AMD1: variants seen among roughly 807,000 people sequenced by gnomAD.
AMD1 encodes the protein S-adenosylmethionine decarboxylase proenzyme.
Under a neutral mutation model 40.2 loss-of-function variants are expected in AMD1, and 11 were observed. The observed-to-expected ratio is 0.27, with a 90% CI of 0.17 to 0.45. The LOEUF (loss-of-function observed/expected upper bound fraction) is 0.45. Among genes scored for constraint, AMD1 ranks in the 20% least tolerant of loss-of-function variants. The pLI is 1.00. For missense variants in AMD1, 257 were observed against 410.2 expected, an observed-to-expected ratio of 0.63 and a Z score of 3.23; for synonymous variants, 121 against 130.8, an observed-to-expected ratio of 0.93 and a Z score of 0.51.
the AMD1 span, among the ~76,000 whole-genome samples, chr6:110,830,000 G>A: frequency 1.3e-5 from 2 of 151,670 alleles, no homozygotes; most frequent in South Asian, 2.1e-4. Context: ...AAGGATCTTT[G>A]TTTTTGTTTG....
At chr6:110,887,848 G>C (rs903566979) in intron 2 of AMD1, among the ~76,000 whole-genome samples, 2 of 152,046 alleles carry the variant, frequency 1.3e-5, no homozygotes, top group African/African-American at 4.8e-5. Flanking sequence ...ATCATGCCCG[G>C]CTAATTTTTG....
intron 4 of AMD1, 105 bp from the exon 5 acceptor site, chr6:110,892,056 A>G (rs1216979223): frequency 2.3e-6 from 3 of 1,309,600 alleles, no homozygotes; most frequent in Non-Finnish European, 3.3e-6. Flanking sequence ...TGACATTTCT[A>G]ATAAGTGGCA....
the AMD1 span, among the ~76,000 whole-genome samples, chr6:110,869,697 C>CG: frequency 6.6e-6 from 1 of 151,452 alleles, no homozygotes; most frequent in African/African-American, 2.4e-5. Flanking sequence ...TTAGCAGAGA[C>CG]GGGGGTTCTC....
the AMD1 span, among the ~76,000 whole-genome samples, chr6:110,855,285 C>G: frequency 6.6e-6 from 1 of 151,864 alleles, no homozygotes; most frequent in South Asian, 2.1e-4. Flanking sequence ...TAACTATATA[C>G]TATATATTAA....
chr6:110,825,237 A>G, the AMD1 span, among the ~76,000 whole-genome samples: 7 of 152,370 alleles, frequency 4.6e-5, no homozygotes, highest in African/African-American at 1.7e-4. Flanking sequence ...AACAGAAATT[A>G]TATGAATGTG....
chr6:110,823,106 ACT>A, the AMD1 span, among the ~76,000 whole-genome samples: 14 of 152,000 alleles, frequency 9.2e-5, no homozygotes, highest in Non-Finnish European at 1.6e-4. Flanking sequence ...CAAAAGCAAA[ACT>A]CTGTCTCAAA....
chr6:110,887,283 G>T (rs767429819), intron 1 of AMD1, among the ~76,000 whole-genome samples: 18 of 151,952 alleles, frequency 1.2e-4, no homozygotes, highest in Non-Finnish European at 2.1e-4. Context: ...TAAGTAATTT[G>T]TAAATACATA....
the AMD1 span, among the ~76,000 whole-genome samples, chr6:110,839,861 G>A: frequency 1.3e-5 from 2 of 151,982 alleles, no homozygotes; most frequent in African/African-American, 4.8e-5. Context: ...TATCAGGTTC[G>A]GAAAAGAATG....
At chr6:110,869,786 G>A (rs1396844562), upstream of AMD1, among the ~76,000 whole-genome samples, 2 of 152,202 alleles carry the variant, frequency 1.3e-5, no homozygotes, top group Non-Finnish European at 2.9e-5. Context: ...TGGGATTACA[G>A]GCGTGAGCCA....
the AMD1 span, chr6:110,815,692 G>C: frequency 2.6e-5 from 4 of 152,630 alleles, no homozygotes; most frequent in African/African-American, 9.6e-5. Context: ...AAGTTCCAGT[G>C]TGCTTTCTGC....
chr6:110,815,237 C>CCTCTCG, the AMD1 span: 1 of 1,286,326 alleles, frequency 7.8e-7, no homozygotes, highest in Non-Finnish European at 9.9e-7. Context: ...CCAACAGCCG[C>CCTCTCG]CTCTCGCGCG....
chr6:110,821,865 T>A, the AMD1 span, among the ~76,000 whole-genome samples: 1 of 152,100 alleles, frequency 6.6e-6, no homozygotes, highest in Admixed American at 6.6e-5. Context: ...CATCAAAAAG[T>A]CTGAAAGGTC....
the AMD1 span, among the ~76,000 whole-genome samples, chr6:110,837,902 A>G: frequency 6.7e-6 from 1 of 149,594 alleles, no homozygotes; most frequent in African/African-American, 2.5e-5. Context: ...GTCTCTACTA[A>G]AACTACAAAG....
chr6:110,814,890 C>A, the AMD1 span: 3 of 1,372,388 alleles, frequency 2.2e-6, no homozygotes, highest in Admixed American at 3.9e-5. Context: ...CGCAACCCCG[C>A]GACCCCCTCC....
In AMD1 at chr6:110,875,064, T is replaced by C; in HGVS notation, c.-42T>C. 2.0e-6 allele frequency: 3 copies of C among 1,501,110 alleles called. No homozygotes were observed. Among genetic ancestry groups the C allele is most frequent in the Non-Finnish European group, 2.7e-6 (3 of 1,092,242 alleles). 93.0% of individuals were successfully genotyped at this position (1,501,110 alleles called of 1,614,324 possible). A position where few individuals can be genotyped will look rare whatever the true frequency, so the allele number is the denominator to read the frequency against. ...CGGCGGGAGAAGAGGTTTAATTTAG[T>C]TGATTTTCTGTGGTTGTTGGTTGTT... On this transcript the variant is annotated 5_prime_UTR_variant, in exon 1 of 9. Transcript: ENST00000368885.
chr6:110,887,470 T>C, intron 1 of AMD1, 35 bp from the exon 2 acceptor site: 1 of 1,513,262 alleles, frequency 6.6e-7, no homozygotes, highest in Non-Finnish European at 9.0e-7. Flanking sequence ...TGGGTACTAT[T>C]GTGGATTAAT....
chr6:110,857,220 T>C, the AMD1 span, among the ~76,000 whole-genome samples: 19 of 151,738 alleles, frequency 1.3e-4, no homozygotes, highest in African/African-American at 4.6e-4. Context: ...GAATAGCTTT[T>C]GTTCTTCAGC....
chr6:110,846,869 CA>C, the AMD1 span, among the ~76,000 whole-genome samples: 11 of 146,072 alleles, frequency 7.5e-5, no homozygotes, highest in Non-Finnish European at 9.1e-5. Flanking sequence ...GACTCTGTCT[CA>C]AAAAAAAAAG....
the AMD1 span, among the ~76,000 whole-genome samples, chr6:110,833,941 T>C: frequency 6.6e-6 from 1 of 152,206 alleles, no homozygotes; most frequent in African/African-American, 2.4e-5. Context: ...GTTATCAGTA[T>C]TTCGTGTATG....
Sources: gnomAD v4.1 joint callset for allele counts (sites outside exome capture counted in the v4.1 genomes callset) on GRCh38, gnomAD v4.1.1 for gene constraint, MANE v1.5 for transcripts, NCBI Gene and HGNC (gene_info 2026-07-23, HGNC 2026-07-21) for gene names.